The following CPAMD8 variants were observed in gnomAD, a reference collection of about 807,000 sequenced individuals.
The protein encoded by CPAMD8 is C3 and PZP like alpha-2-macroglobulin domain containing 8, also known as C3 and PZP-like alpha-2-macroglobulin domain-containing protein 8.
In CPAMD8, 146 loss-of-function variants were observed where a neutral mutation model predicts 224.7. The ratio of observed to expected loss-of-function variants is 0.65; its 90% CI spans 0.57 to 0.75. CPAMD8 has a LOEUF of 0.75. CPAMD8 is among the 30% of genes least tolerant of loss of function. The pLI, the probability that CPAMD8 is intolerant of heterozygous loss-of-function variation, is 0.00. For synonymous variants in CPAMD8, 966 were observed against 1,044.6 expected, an observed-to-expected ratio of 0.92 and a Z score of 1.45; for missense variants, 2,301 against 2,537.5, an observed-to-expected ratio of 0.91 and a Z score of 2.00.
chr19:17,012,640 C>A (rs968536586), intron 3 of CPAMD8, among the ~76,000 whole-genome samples: 1 of 152,182 alleles, frequency 6.6e-6, no homozygotes. Context: ...GCCAAGCCTG[C>A]CCCAGCTTTC....
intron 36 of CPAMD8, among the ~76,000 whole-genome samples, chr19:16,900,802 A>G (rs898272375): frequency 2.6e-5 from 4 of 151,722 alleles, no homozygotes; most frequent in Non-Finnish European, 5.9e-5. Flanking sequence ...GCTTGAGCCC[A>G]GGAGTTTGAG....
chr19:16,968,451 C>T (rs1163531392), intron 18 of CPAMD8, among the ~76,000 whole-genome samples: 2 of 152,048 alleles, frequency 1.3e-5, no homozygotes, highest in Non-Finnish European at 2.9e-5. Context: ...CTCATCAGGG[C>T]TGGCCACCAA....
intron 19 of CPAMD8, 130 bp downstream of exon 19, chr19:16,957,722 GA>G: frequency 2.4e-6 from 2 of 825,238 alleles, no homozygotes; most frequent in Non-Finnish European, 4.0e-6. Context: ...TTGTGTGTTA[GA>G]AAAAGATGCA....
intron 20 of CPAMD8, among the ~76,000 whole-genome samples, chr19:16,949,789 T>C (rs2054240019): frequency 6.6e-6 from 1 of 152,176 alleles, no homozygotes; most frequent in African/African-American, 2.4e-5. Context: ...CCCGCCCCGA[T>C]GCCTGACTCA....
chr19:16,976,223 C>T, intron 15 of CPAMD8, 72 bp from the exon 16 acceptor site: 1 of 1,342,236 alleles, frequency 7.5e-7, no homozygotes, highest in South Asian at 1.3e-5. Context: ...CGCCTGTAAT[C>T]CCAACACTTT....
chr19:16,944,013 G>T (rs2053989848), intron 22 of CPAMD8, among the ~76,000 whole-genome samples: 1 of 152,142 alleles, frequency 6.6e-6, no homozygotes, highest in Admixed American at 6.6e-5. Context: ...CCCCTTGCAG[G>T]CCAGCAGGGG....
At chr19:17,026,502 C>A in intron 1 of CPAMD8, 49 bp downstream of exon 1, 1 of 1,448,686 alleles carries the variant, frequency 6.9e-7, no homozygotes, top group South Asian at 1.4e-5. Context: ...TACCCGCGAC[C>A]CCCACCCCAG....
chr19:16,993,325 G>A, intron 12 of CPAMD8, 91 bp downstream of exon 12: 2 of 1,049,406 alleles, frequency 1.9e-6, no homozygotes, highest in Non-Finnish European at 2.8e-6. Context: ...CGGGCTCCAG[G>A]CCCACTGATC....
chr19:16,896,362 C>T, intron 40 of CPAMD8, 36 bp from the exon 41 acceptor site: 2 of 1,559,492 alleles, frequency 1.3e-6, no homozygotes, highest in Non-Finnish European at 1.7e-6. Context: ...GAGGGCGTGG[C>T]GGGGAGGGGA....
At chr19:16,926,608 G>A (rs1010434574) in intron 25 of CPAMD8, among the ~76,000 whole-genome samples, 10 of 152,232 alleles carry the variant, frequency 6.6e-5, no homozygotes, top group Non-Finnish European at 1.2e-4. Flanking sequence ...GAGCCACCAC[G>A]CCTGGCCCCT....
At position 17,002,321 on chromosome 19, in the gene CPAMD8, G is replaced by A. The variant is rs1480178884; in HGVS notation, c.703C>T (p.Pro235Ser). The A allele has an allele frequency of 2.5e-6, 4 of 1,606,564 alleles. No homozygotes were observed. Among genetic ancestry groups the A allele is most frequent in the Non-Finnish European group, 3.4e-6 (4 of 1,175,712 alleles). Residue 235 changes from proline (P) to serine (S), a missense_variant, in exon 9 of 42, where the codon CCG becomes TCG. Physicochemically the swap from Pro to Ser is moderately conservative, Grantham distance 74. This residue lies in a region of CPAMD8 where 283 missense variants were observed against 340.6 expected (regional missense o/e 0.83). Coordinates refer to ENST00000443236, the MANE Select transcript of CPAMD8 (RefSeq NM_015692.5). ...TCCAGGTCTTGGATATACCGGGGCGGGTCAATCAGAAGCTCAAACTTGGGC... is the reference window on the plus strand; with the variant it reads ...TCCAGGTCTTGGATATACCGGGGCGAGTCAATCAGAAGCTCAAACTTGGGC... ...VLPKFELLID[P>S]PRYIQDLDAC...
intron 5 of CPAMD8, 32 bp downstream of exon 5, chr19:17,011,432 T>C: frequency 6.2e-7 from 1 of 1,613,990 alleles, no homozygotes; most frequent in Non-Finnish European, 8.5e-7. Context: ...GTGGGTGCAC[T>C]CCGGGCCCGC....
intron 2 of CPAMD8, among the ~76,000 whole-genome samples, chr19:17,021,426 C>G (rs370971697): frequency 7.6e-4 from 116 of 152,306 alleles, no homozygotes; most frequent in African/African-American, 2.7e-3. Context: ...CTTCACTGGC[C>G]TTGGAGCCCC....
chr19:16,909,827 G>T (rs1313817711), intron 29 of CPAMD8, among the ~76,000 whole-genome samples: 1 of 152,078 alleles, frequency 6.6e-6, no homozygotes, highest in African/African-American at 2.4e-5. Context: ...CTATTCATAG[G>T]CACAATCCCA....
chr19:16,972,439 AT>A (rs879294580), intron 17 of CPAMD8, among the ~76,000 whole-genome samples: 69 of 146,806 alleles, frequency 4.7e-4, no homozygotes, highest in South Asian at 1.7e-3. Context: ...GTGAACAAGA[AT>A]TTTTTTTTTT....
rs140181965 is a variant in CPAMD8 at position 16,961,696 on chromosome 19, C to T, written c.2214-3781G>A. Among the ~76,000 whole-genome samples, 73 of 152,340 alleles carry T rather than the reference C, an allele frequency of 4.8e-4. No individual in the cohort carries two copies. The East Asian group carries it at 9.3e-3, about 19-fold the overall frequency. ...CAGCATGGCGTTTCAGCTCTGAGAA[C>T]GGACAGACTGCCTCCTCAAGTGGGT... On this transcript the variant is annotated intron_variant, in intron 18 of 41. Coordinates refer to ENST00000443236, the MANE Select transcript of CPAMD8 (RefSeq NM_015692.5).
intron 41 of CPAMD8, 97 bp downstream of exon 41, chr19:16,896,079 G>A (rs1454753176): frequency 7.2e-7 from 1 of 1,386,724 alleles, no homozygotes; most frequent in African/African-American, 1.4e-5. Flanking sequence ...GCGGGGCGGA[G>A]GAGTCGGGGC....
chr19:16,988,018 A>T (rs1334587875), intron 13 of CPAMD8, among the ~76,000 whole-genome samples: 1 of 152,200 alleles, frequency 6.6e-6, no homozygotes, highest in Non-Finnish European at 1.5e-5. Flanking sequence ...CTCTTAAAAA[A>T]TTAAGTCTAT....
chr19:16,900,671 C>G (rs1450203441), intron 36 of CPAMD8, among the ~76,000 whole-genome samples: 1 of 151,930 alleles, frequency 6.6e-6, no homozygotes, highest in Non-Finnish European at 1.5e-5. Flanking sequence ...CCACCTCACC[C>G]CATCTACTCC....
Sources: gnomAD v4.1 joint callset for allele counts (sites outside exome capture counted in the v4.1 genomes callset) on GRCh38, gnomAD v4.1.1 for gene constraint, gnomAD v4.1.1 regional missense constraint, MANE v1.5 for transcripts, NCBI Gene and HGNC (gene_info 2026-07-23, HGNC 2026-07-21) for gene names.